The following TMC1 variants were observed in gnomAD, a reference collection of about 807,000 sequenced individuals.
TMC1 encodes transmembrane channel like 1, also known as transmembrane channel-like protein 1.
In TMC1, 84 loss-of-function variants were observed where a neutral mutation model predicts 105.8. The ratio of observed to expected loss-of-function variants is 0.79; its 90% CI spans 0.67 to 0.95. TMC1 has a LOEUF of 0.95. Among genes scored for constraint, TMC1 ranks in the 40% least tolerant of loss-of-function variants. The probability of loss-of-function intolerance (pLI) is 0.00; values close to 1 mark genes in which losing one functional copy is unlikely to be tolerated. For missense variants in TMC1, 817 were observed against 914.1 expected (o/e 0.89, Z 1.37); for synonymous variants, 315 against 311.5 (o/e 1.01, Z -0.12).
At chr9:72,627,212 C>G (rs1024654233) in intron 3 of TMC1, among the ~76,000 whole-genome samples, 2 of 152,168 alleles carry the variant, frequency 1.3e-5, no homozygotes, top group African/African-American at 4.8e-5. Context: ...CTTAATGCCT[C>G]TCTGCAGGAG....
intron 1 of TMC1, among the ~76,000 whole-genome samples, chr9:72,566,101 C>T (rs1824148011): frequency 6.6e-6 from 1 of 152,232 alleles, no homozygotes; most frequent in Admixed American, 6.5e-5. Flanking sequence ...ATGACCATAG[C>T]TCATTGCAGC....
At chr9:72,667,545 G>A (rs1051806814) in intron 5 of TMC1, among the ~76,000 whole-genome samples, 3 of 152,046 alleles carry the variant, frequency 2.0e-5, no homozygotes, top group African/African-American at 7.2e-5. Context: ...TTGGATATTG[G>A]GATGTAGTCA....
chr9:72,787,017 CAAAAA>C (rs79774726), intron 13 of TMC1, among the ~76,000 whole-genome samples: 1 of 101,758 alleles, frequency 9.8e-6, no homozygotes. Flanking sequence ...TTTTGGCCTC[CAAAAA>C]AAAAAAAAAA....
At chr9:72,790,401 A>C (rs1309156895) in intron 15 of TMC1, among the ~76,000 whole-genome samples, 1 of 152,162 alleles carries the variant, frequency 6.6e-6, no homozygotes. Flanking sequence ...ATGTCATAAA[A>C]ACTTGTAAAA....
intron 1 of TMC1, among the ~76,000 whole-genome samples, chr9:72,528,485 C>T (rs1587939129): frequency 6.6e-6 from 1 of 152,016 alleles, no homozygotes; most frequent in East Asian, 1.9e-4. Flanking sequence ...TAGGCATGCG[C>T]CACCATGCCT....
intron 8 of TMC1, among the ~76,000 whole-genome samples, chr9:72,704,342 G>T (rs1340051388): frequency 6.6e-6 from 1 of 152,134 alleles, no homozygotes; most frequent in African/African-American, 2.4e-5. Flanking sequence ...ACTTCTAAAA[G>T]ATATTTTAGA....
chr9:72,708,273 T>C (rs920097679), intron 8 of TMC1, among the ~76,000 whole-genome samples: 19 of 152,194 alleles, frequency 1.2e-4, no homozygotes, highest in African/African-American at 4.3e-4. Flanking sequence ...ATATGAATTT[T>C]AGAATTTTTT....
chr9:72,541,513 C>A (rs188332679), intron 1 of TMC1, among the ~76,000 whole-genome samples: 2 of 151,998 alleles, frequency 1.3e-5, no homozygotes, highest in Admixed American at 1.3e-4. Flanking sequence ...TATGATGAAA[C>A]CCCGTCTGTA....
intron 1 of TMC1, among the ~76,000 whole-genome samples, chr9:72,523,774 A>G (rs1391599695): frequency 6.6e-5 from 10 of 152,164 alleles, no homozygotes; most frequent in Non-Finnish European, 1.0e-4. Flanking sequence ...GGACCCATGC[A>G]GTTCAAACCT....
At chr9:72,710,823 T>C (rs1006310867) in intron 8 of TMC1, among the ~76,000 whole-genome samples, 33 of 152,106 alleles carry the variant, frequency 2.2e-4, no homozygotes, top group African/African-American at 7.2e-4. Context: ...CTGGGGTACA[T>C]GTGTGGAATG....
At chr9:72,751,715 C>T in intron 10 of TMC1, 135 bp from the exon 11 acceptor site, 4 of 678,762 alleles carry the variant, frequency 5.9e-6, no homozygotes, top group Non-Finnish European at 7.9e-6. Flanking sequence ...GAAAAGAATG[C>T]TATAGCCTAT....
chr9:72,677,641 C>T (rs185774035), intron 5 of TMC1, among the ~76,000 whole-genome samples: 1 of 152,260 alleles, frequency 6.6e-6, no homozygotes, highest in African/African-American at 2.4e-5. Context: ...TAGACTATGA[C>T]TCAGATATAG....
chr9:72,769,646 C>T (rs2118117039), intron 12 of TMC1, among the ~76,000 whole-genome samples: 1 of 152,284 alleles, frequency 6.6e-6, no homozygotes, highest in South Asian at 2.1e-4. Flanking sequence ...TACGATTACC[C>T]TAGTAGCAGC....
In TMC1 at chr9:72,700,470, T is replaced by A. The variant is rs761909913; in HGVS notation, c.237-48T>A. On this transcript the variant is annotated intron_variant, in intron 7 of 23. Transcript: ENST00000297784. ...TACCTGCCTTCCTTAAGTTCCAAAGTCAAGCAAAGCTTAACTTTATTAAGG... is the reference window on the plus strand; with the variant it reads ...TACCTGCCTTCCTTAAGTTCCAAAGACAAGCAAAGCTTAACTTTATTAAGG... 3 of 1,502,380 alleles carry A rather than the reference T, an allele frequency of 2.0e-6. No individual in the cohort carries two copies. In the African/African-American group the frequency reaches 4.2e-5, roughly 21 times the overall value. The allele number at this position is 1,502,380 out of a possible 1,614,324, so 93.1% of individuals were successfully genotyped here.
chr9:72,623,062 A>AC, intron 3 of TMC1, among the ~76,000 whole-genome samples: 2 of 149,348 alleles, frequency 1.3e-5, no homozygotes, highest in Non-Finnish European at 3.0e-5. Context: ...AAAAAAAAAA[A>AC]CAAACAAAAG....
intron 2 of TMC1, among the ~76,000 whole-genome samples, chr9:72,586,884 CT>C (rs1824562087): frequency 6.6e-6 from 1 of 152,184 alleles, no homozygotes; most frequent in African/African-American, 2.4e-5. Flanking sequence ...TCTATTAAGG[CT>C]TTCAAAATGT....
At chr9:72,769,716 A>G (rs1377897009) in intron 12 of TMC1, among the ~76,000 whole-genome samples, 1 of 152,220 alleles carries the variant, frequency 6.6e-6, no homozygotes, top group Admixed American at 6.5e-5. Context: ...GGCAAGTGCT[A>G]AATGTTCACG....
At chr9:72,816,107 G>A (rs1828782995) in intron 18 of TMC1, 36 bp from the exon 19 acceptor site, 1 of 1,601,470 alleles carries the variant, frequency 6.2e-7, no homozygotes, top group Admixed American at 1.7e-5. Context: ...TTGACCATGT[G>A]AGACGCTAAT....
intron 13 of TMC1, among the ~76,000 whole-genome samples, chr9:72,783,922 A>C (rs1828130791): frequency 6.6e-6 from 1 of 152,208 alleles, no homozygotes; most frequent in African/African-American, 2.4e-5. Flanking sequence ...TGTAAAATCG[A>C]AAACTATAAA....
Sources: gnomAD v4.1 joint callset for allele counts (sites outside exome capture counted in the v4.1 genomes callset) on GRCh38, gnomAD v4.1.1 for gene constraint, MANE v1.5 for transcripts, NCBI Gene and HGNC (gene_info 2026-07-23, HGNC 2026-07-21) for gene names.